CLIC4: variants seen among roughly 807,000 people sequenced by gnomAD.
CLIC4 encodes chloride intracellular channel protein 4.
Under a neutral mutation model 24.6 loss-of-function variants are expected in CLIC4, and 13 were observed. The ratio of observed to expected loss-of-function variants is 0.53; its 90% CI spans 0.34 to 0.84. The LOEUF (loss-of-function observed/expected upper bound fraction) is 0.84, where lower values mean the gene tolerates loss of function less well. Ranked by LOEUF, CLIC4 falls within the 40% of genes least tolerant of loss-of-function variation. CLIC4 has a pLI of 0.01. For synonymous variants in CLIC4, 104 were observed against 111.3 expected (o/e 0.93, Z 0.41); for missense variants, 227 against 301.7 (o/e 0.75, Z 1.83).
intron 1 of CLIC4, among the ~76,000 whole-genome samples, chr1:24,782,746 G>A (rs754955454): frequency 6.6e-6 from 1 of 152,210 alleles, no homozygotes; most frequent in African/African-American, 2.4e-5. Context: ...TTCGGAGGCT[G>A]AGGCAGGAGG....
At chr1:24,785,923 T>G (rs562373072) in intron 1 of CLIC4, among the ~76,000 whole-genome samples, 1 of 149,312 alleles carries the variant, frequency 6.7e-6, no homozygotes, top group Admixed American at 6.7e-5. Context: ...AGAAGCCAGA[T>G]GACTTTGCCC....
intron 1 of CLIC4, among the ~76,000 whole-genome samples, chr1:24,747,894 G>T (rs369026344): frequency 1.2e-4 from 18 of 152,054 alleles, no homozygotes; most frequent in East Asian, 5.8e-4. Flanking sequence ...AATTAGCCAG[G>T]CATGGTGGTG....
rs769328870 is a variant in CLIC4, at chr1:24,797,810, C to T, written c.141C>T (p.Leu47=). The part of the protein sequence containing the change: ...FSQRLFMILW[L]KGVVFSVTTV... The stretch of plus-strand genomic sequence containing the variant: ...AGAGGCTCTTCATGATTCTTTGGCT[C>T]AAAGGAGTTGTATTTAGTGTGACGA... Residue 47 remains leucine (L), a synonymous_variant, in exon 2 of 6, where the codon CTC becomes CTT. Coordinates refer to ENST00000374379, the MANE Select transcript of CLIC4 (RefSeq NM_013943.3). The T allele has an allele frequency of 6.2e-7, 1 of 1,613,556 alleles. No homozygotes were observed. Among genetic ancestry groups the T allele is most frequent in the South Asian group, 1.1e-5 (1 of 90,976 alleles).
At position 24,823,782 on chromosome 1, in the gene CLIC4, A is replaced by AG. The variant is rs1046298362; in HGVS notation, c.309-3228_309-3227insG. ...AGAGCAAAACTCTGTCTCAAAAAAA[A>AG]AAAAAAAAAAGACATACAAAAAAGG... On this transcript the variant is annotated intron_variant, in intron 3 of 5. Coordinates refer to ENST00000374379, the MANE Select transcript of CLIC4 (RefSeq NM_013943.3). 1.3e-4 allele frequency among the ~76,000 whole-genome samples: 20 copies of AG among 151,688 alleles called. 1 individual carries two copies. The highest frequency in any genetic ancestry group is 4.8e-4 in the African/African-American group (20 of 41,334).
At chr1:24,820,267 C>CTTTTTTTTTTTTTTTTT (rs372726009) in intron 3 of CLIC4, among the ~76,000 whole-genome samples, 1 of 49,762 alleles carries the variant, frequency 2.0e-5, no homozygotes, top group Admixed American at 4.0e-4. Context: ...CCTTTTTGGT[C>CTTTTTTTTTTTTTTTTT]TTTTTTTTTT....
intron 1 of CLIC4, among the ~76,000 whole-genome samples, chr1:24,757,811 A>G (rs1240194588): frequency 1.3e-5 from 2 of 151,246 alleles, no homozygotes; most frequent in African/African-American, 2.4e-5. Context: ...TCTGTGGCCC[A>G]GGCTGGAGTG....
intron 1 of CLIC4, among the ~76,000 whole-genome samples, chr1:24,749,555 A>G (rs1026188128): frequency 9.2e-5 from 14 of 152,202 alleles, no homozygotes; most frequent in African/African-American, 3.4e-4. Flanking sequence ...TCTGCCTGTG[A>G]GCCCATTAAC....
chr1:24,752,903 A>G (rs777836121), intron 1 of CLIC4, among the ~76,000 whole-genome samples: 7 of 152,006 alleles, frequency 4.6e-5, no homozygotes, highest in Non-Finnish European at 1.0e-4. Context: ...TTGTATTTTT[A>G]GTAGAGATGG....
At chr1:24,820,096 T>TATATATATATAGAC (rs1557812358) in intron 3 of CLIC4, among the ~76,000 whole-genome samples, 1 of 109,900 alleles carries the variant, frequency 9.1e-6, no homozygotes, top group Non-Finnish European at 1.9e-5. Flanking sequence ...TATATATATA[T>TATATATATATAGAC]AGACAGTATC....
At chr1:24,809,164 G>C (rs1332813364) in intron 2 of CLIC4, among the ~76,000 whole-genome samples, 1 of 152,108 alleles carries the variant, frequency 6.6e-6, no homozygotes, top group Non-Finnish European at 1.5e-5. Context: ...TTGGAGGTTA[G>C]GTTCTTACAG....
At chr1:24,831,656 T>C (rs1362055257) in intron 4 of CLIC4, among the ~76,000 whole-genome samples, 1 of 152,204 alleles carries the variant, frequency 6.6e-6, no homozygotes. Flanking sequence ...TTGTTTGTTT[T>C]GTTTAAGAGT....
intron 1 of CLIC4, among the ~76,000 whole-genome samples, chr1:24,794,356 T>G (rs12021561): frequency 1.6e-4 from 14 of 87,834 alleles, no homozygotes; most frequent in Admixed American, 4.4e-4. Context: ...CATCTGTTTT[T>G]TTTTTTTTTT....
chr1:24,773,163 GTAA>G (rs1639093129), intron 1 of CLIC4, among the ~76,000 whole-genome samples: 1 of 152,012 alleles, frequency 6.6e-6, no homozygotes, highest in African/African-American at 2.4e-5. Context: ...CACCTGGAAT[GTAA>G]TCTCTTAAAA....
intron 2 of CLIC4, among the ~76,000 whole-genome samples, chr1:24,800,290 C>T (rs1315704932): frequency 1.5e-5 from 1 of 68,498 alleles, no homozygotes; most frequent in South Asian, 7.6e-4. Flanking sequence ...GCCGCCCCTA[C>T]TGGGAAGTGA....
At chr1:24,781,527 G>A (rs1027194650) in intron 1 of CLIC4, among the ~76,000 whole-genome samples, 4 of 151,984 alleles carry the variant, frequency 2.6e-5, no homozygotes, top group Non-Finnish European at 5.9e-5. Flanking sequence ...TAATGTGATT[G>A]TAGTCACATA....
intron 4 of CLIC4, 35 bp downstream of exon 4, chr1:24,827,151 A>G (rs749301691): frequency 7.5e-7 from 1 of 1,324,592 alleles, no homozygotes; most frequent in Non-Finnish European, 1.1e-6. Context: ...CATTGCAACA[A>G]AAAACCCCAA....
chr1:24,766,737 G>A (rs1639003308), intron 1 of CLIC4, among the ~76,000 whole-genome samples: 2 of 150,444 alleles, frequency 1.3e-5, no homozygotes, highest in Admixed American at 1.3e-4. Context: ...AACTCCTGGC[G>A]TGAAGTGATC....
intron 1 of CLIC4, among the ~76,000 whole-genome samples, chr1:24,764,389 C>T (rs1189537002): frequency 6.6e-6 from 1 of 151,540 alleles, no homozygotes; most frequent in African/African-American, 2.4e-5. Context: ...TGTGAGCCAC[C>T]ACGTCCGGCC....
At chr1:24,768,903 CA>C (rs71032856) in intron 1 of CLIC4, among the ~76,000 whole-genome samples, 67,557 of 107,086 alleles carry the variant, frequency 0.63, 18,273 homozygotes, top group Admixed American at 0.7. Flanking sequence ...TCTGCCTCAC[CA>C]AAAAAAAAAA....
Sources: allele counts gnomAD v4.1 joint callset (sites outside exome capture counted in the v4.1 genomes callset), GRCh38; gene constraint gnomAD v4.1.1; transcripts MANE v1.5; gene names NCBI Gene and HGNC (gene_info 2026-07-23, HGNC 2026-07-21).